CADM2: variants seen among roughly 807,000 people sequenced by gnomAD.
CADM2 encodes immunoglobulin superfamily member 4D.
In CADM2, 12 loss-of-function variants were observed where a neutral mutation model predicts 49.8. The ratio of observed to expected loss-of-function variants is 0.24; its 90% CI spans 0.15 to 0.39. The LOEUF (loss-of-function observed/expected upper bound fraction) is 0.39. Ranked by LOEUF, CADM2 falls within the 10% of genes least tolerant of loss-of-function variation. CADM2 has a pLI of 1.00. For synonymous variants in CADM2, 214 were observed against 175.4 expected (o/e 1.22, Z -1.74); for missense variants, 378 against 492.3 (o/e 0.77, Z 2.20).
chr3:85,574,480 A>G (rs1274796364), intron 1 of CADM2, among the ~76,000 whole-genome samples: 1 of 152,152 alleles, frequency 6.6e-6, no homozygotes, highest in Admixed American at 6.5e-5. Context: ...CTGTAAAATG[A>G]TACATAGGCC....
intron 7 of CADM2, among the ~76,000 whole-genome samples, chr3:85,948,339 A>G (rs1420472266): frequency 2.0e-5 from 3 of 151,486 alleles, no homozygotes; most frequent in South Asian, 4.1e-4. Context: ...TTTTTTCGTA[A>G]CATGTATCAT....
intron 1 of CADM2, among the ~76,000 whole-genome samples, chr3:85,138,724 A>T (rs900423288): frequency 6.6e-6 from 1 of 152,120 alleles, no homozygotes; most frequent in Non-Finnish European, 1.5e-5. Context: ...GATATTCTTC[A>T]TGTTAATGCC....
In CADM2 at chr3:86,073,641, A is replaced by G. The variant is rs1703399451; in HGVS notation, c.*6858A>G. On this transcript the variant is annotated 3_prime_UTR_variant, in exon 10 of 10. Transcript: ENST00000383699. ...TATGGAAAAATAAAATTTGAATTTT[A>G]GTTATCTGTTGGACATTACTGAATT... is the stretch of plus-strand genomic sequence containing the variant. 6.6e-6 allele frequency: 1 copy of G among 152,036 alleles called. No homozygotes were observed. The highest frequency in any genetic ancestry group is 1.5e-5 in the Non-Finnish European group (1 of 67,898). The allele number at this position is 152,036 out of a possible 1,614,324, so 9.4% of individuals were successfully genotyped here. A position where few individuals can be genotyped will look rare whatever the true frequency, so the allele number is the denominator to read the frequency against.
chr3:85,419,913 C>T (rs551767801), intron 1 of CADM2, among the ~76,000 whole-genome samples: 27 of 152,180 alleles, frequency 1.8e-4, no homozygotes, highest in Non-Finnish European at 2.2e-4. Flanking sequence ...ATTCTGATTC[C>T]GTAGGTCAGG....
intron 8 of CADM2, among the ~76,000 whole-genome samples, chr3:86,062,968 C>T (rs1245869628): frequency 2.0e-5 from 3 of 151,994 alleles, no homozygotes; most frequent in Non-Finnish European, 2.9e-5. Flanking sequence ...ACACAAATCA[C>T]TTTGTTTAAT....
At chr3:85,199,359 G>GTA (rs886411148) in intron 1 of CADM2, among the ~76,000 whole-genome samples, 1 of 148,452 alleles carries the variant, frequency 6.7e-6, no homozygotes, top group African/African-American at 2.6e-5. Context: ...GTGTGTGTGT[G>GTA]TGTGTGTGTA....
intron 3 of CADM2, among the ~76,000 whole-genome samples, chr3:85,812,622 C>A (rs946626798): frequency 2.0e-5 from 3 of 152,028 alleles, no homozygotes; most frequent in African/African-American, 7.2e-5. Flanking sequence ...CATAGCTATA[C>A]ACATGCCATG....
intron 1 of CADM2, among the ~76,000 whole-genome samples, chr3:85,084,384 C>T (rs767002861): frequency 1.3e-5 from 2 of 152,052 alleles, no homozygotes; most frequent in Non-Finnish European, 2.9e-5. Flanking sequence ...TGAATGCCAC[C>T]TACTTTTAGG....
At chr3:85,233,227 G>A (rs1431647070) in intron 1 of CADM2, among the ~76,000 whole-genome samples, 2 of 152,104 alleles carry the variant, frequency 1.3e-5, no homozygotes, top group Non-Finnish European at 2.9e-5. Flanking sequence ...GTTGCCAGAG[G>A]TTCAGTGGGA....
intron 1 of CADM2, among the ~76,000 whole-genome samples, chr3:85,398,261 G>T (rs1438983320): frequency 6.6e-6 from 1 of 151,958 alleles, no homozygotes. Context: ...GCAGTGTTTG[G>T]TTTTTTGTCC....
chr3:85,289,837 TTAGA>T (rs1231510007), intron 1 of CADM2, among the ~76,000 whole-genome samples: 13 of 152,192 alleles, frequency 8.5e-5, no homozygotes, highest in Admixed American at 3.9e-4. Context: ...TTTAATTATG[TTAGA>T]TAGTTACTAA....
chr3:85,873,423 T>C (rs1398783970), intron 3 of CADM2, among the ~76,000 whole-genome samples: 2 of 152,142 alleles, frequency 1.3e-5, no homozygotes, highest in Non-Finnish European at 2.9e-5. Context: ...CCCAGCACTT[T>C]GGGAAGCCAA....
At chr3:85,489,851 T>C (rs2039595790) in intron 1 of CADM2, among the ~76,000 whole-genome samples, 1 of 151,602 alleles carries the variant, frequency 6.6e-6, no homozygotes, top group African/African-American at 2.4e-5. Context: ...AGAGAGATTA[T>C]ATACTCGAAA....
intron 1 of CADM2, among the ~76,000 whole-genome samples, chr3:85,102,776 C>T (rs961266133): frequency 1.3e-5 from 2 of 151,994 alleles, no homozygotes; most frequent in African/African-American, 2.4e-5. Context: ...GATAAACTAT[C>T]GAGAACTTCA....
intron 1 of CADM2, among the ~76,000 whole-genome samples, chr3:85,288,306 T>C (rs1187615840): frequency 6.6e-6 from 1 of 152,084 alleles, no homozygotes; most frequent in Non-Finnish European, 1.5e-5. Flanking sequence ...GTATAAAATC[T>C]TGCTTTGTAG....
chr3:85,369,239 T>G (rs945019279), intron 1 of CADM2, among the ~76,000 whole-genome samples: 1 of 152,226 alleles, frequency 6.6e-6, no homozygotes, highest in Admixed American at 6.5e-5. Context: ...AGTGCTCATG[T>G]AGTTTTTATT....
intron 1 of CADM2, among the ~76,000 whole-genome samples, chr3:85,461,901 G>A (rs1443785915): frequency 1.3e-5 from 2 of 152,128 alleles, no homozygotes; most frequent in African/African-American, 4.8e-5. Context: ...GGACATTATA[G>A]TCTCTAATAA....
intron 8 of CADM2, among the ~76,000 whole-genome samples, chr3:86,046,249 A>G (rs1736668964): frequency 6.6e-6 from 1 of 152,098 alleles, no homozygotes; most frequent in Non-Finnish European, 1.5e-5. Context: ...TTTTGTTTAC[A>G]TGTGCCTTTT....
intron 1 of CADM2, among the ~76,000 whole-genome samples, chr3:85,036,899 AC>A (rs2035236295): frequency 6.6e-6 from 1 of 151,264 alleles, no homozygotes; most frequent in Non-Finnish European, 1.5e-5. Flanking sequence ...TGCCTGTTAT[AC>A]CAGCATTTTG....
Sources: allele counts gnomAD v4.1 joint callset (sites outside exome capture counted in the v4.1 genomes callset), GRCh38; gene constraint gnomAD v4.1.1; transcripts MANE v1.5; gene names NCBI Gene and HGNC (gene_info 2026-07-23, HGNC 2026-07-21).